The following MYO18B variants were observed in gnomAD, a reference collection of about 807,000 sequenced individuals.
MYO18B encodes unconventional myosin-XVIIIb.
In MYO18B, 204 loss-of-function variants were observed where a neutral mutation model predicts 273.0. That is an observed-to-expected ratio of 0.75 (90% CI 0.67 to 0.84). The LOEUF (loss-of-function observed/expected upper bound fraction) is 0.84, where lower values mean the gene tolerates loss of function less well. Ranked by LOEUF, MYO18B falls within the 40% of genes least tolerant of loss-of-function variation. MYO18B has a pLI of 0.00. For synonymous variants in MYO18B, 1,330 were observed against 1,305.7 expected (o/e 1.02, Z -0.40); for missense variants, 3,212 against 3,287.6 (o/e 0.98, Z 0.56).
intron 11 of MYO18B, among the ~76,000 whole-genome samples, chr22:25,797,550 C>T (rs551421519): frequency 6.6e-6 from 1 of 152,290 alleles, no homozygotes; most frequent in African/African-American, 2.4e-5. Context: ...AACCTGTACC[C>T]ATAGCCTACC....
chr22:25,978,663 G>A (rs1183984114), intron 39 of MYO18B, among the ~76,000 whole-genome samples: 1 of 152,144 alleles, frequency 6.6e-6, no homozygotes, highest in African/African-American at 2.4e-5. Context: ...TTAAAACTAT[G>A]TGAATCCTGG....
chr22:25,807,438 C>T (rs757074433), intron 12 of MYO18B, among the ~76,000 whole-genome samples: 1 of 152,168 alleles, frequency 6.6e-6, no homozygotes, highest in Admixed American at 6.5e-5. Context: ...TATTATTTCC[C>T]AAGGCTTCTG....
chr22:25,971,713 G>A (rs1200600354), intron 39 of MYO18B, among the ~76,000 whole-genome samples: 2 of 152,168 alleles, frequency 1.3e-5, no homozygotes, highest in Admixed American at 1.3e-4. Context: ...GAAATCCCAA[G>A]TATGCAAATT....
chr22:26,003,355 C>T, intron 41 of MYO18B, 46 bp downstream of exon 41: 1 of 1,543,658 alleles, frequency 6.5e-7, no homozygotes, highest in Non-Finnish European at 8.9e-7. Context: ...AGGGTGAGCC[C>T]CTGGCTCTCT....
In MYO18B at chr22:25,903,774, C is replaced by T. The variant is rs1057299829; in HGVS notation, c.5091C>T (p.Ala1697=). Residue 1697 remains alanine, a synonymous_variant, in exon 31 of 44, where the codon GCC becomes GCT. Transcript: ENST00000335473. ...KERLWKLESS[A]LEQQKIQSQQ... ...GGCTCTGGAAGTTGGAATCCAGCGCCCTTGAGCAACAGAAAATCCAGAGCC... is the reference window on the plus strand; with the variant it reads ...GGCTCTGGAAGTTGGAATCCAGCGCTCTTGAGCAACAGAAAATCCAGAGCC... 24 of 1,603,872 alleles carry T rather than the reference C, an allele frequency of 1.5e-5. No homozygotes were observed. Among genetic ancestry groups the T allele is most frequent in the Non-Finnish European group, 1.7e-5 (20 of 1,175,336 alleles).
intron 31 of MYO18B, among the ~76,000 whole-genome samples, chr22:25,905,268 T>G (rs367571220): frequency 2.0e-3 from 298 of 152,122 alleles, no homozygotes; most frequent in African/African-American, 6.9e-3. Flanking sequence ...TGGTGGGTGT[T>G]GGGGAACAAG....
At chr22:25,964,353 A>G (rs1309021955) in intron 39 of MYO18B, 1 of 152,214 alleles carries the variant, frequency 6.6e-6, no homozygotes, top group African/African-American at 2.4e-5. Flanking sequence ...CAGACAGGTG[A>G]AGCAATTTCT....
intron 42 of MYO18B, among the ~76,000 whole-genome samples, chr22:26,014,749 C>G (rs543368587): frequency 6.6e-6 from 1 of 152,142 alleles, no homozygotes; most frequent in Non-Finnish European, 1.5e-5. Flanking sequence ...TAAATAATAG[C>G]CATTCTAACT....
the MYO18B span, among the ~76,000 whole-genome samples, chr22:26,047,196 G>A: frequency 6.7e-6 from 1 of 150,004 alleles, no homozygotes; most frequent in African/African-American, 2.5e-5. Context: ...GCGTGATCTC[G>A]GCTCACTGCA....
chr22:25,944,745 G>A (rs2092684553), intron 34 of MYO18B, among the ~76,000 whole-genome samples: 1 of 151,874 alleles, frequency 6.6e-6, no homozygotes, highest in Middle Eastern at 3.2e-3. Flanking sequence ...TACTCCAGAG[G>A]CTGAGGCAGG....
chr22:25,893,326 C>T (rs138717282), intron 27 of MYO18B, among the ~76,000 whole-genome samples: 18 of 152,222 alleles, frequency 1.2e-4, no homozygotes, highest in African/African-American at 2.9e-4. Flanking sequence ...TTAATTGGGC[C>T]CTGCTCTCAA....
At chr22:25,769,578 C>T (rs1404137035) in intron 4 of MYO18B, 150 bp downstream of exon 4, 5 of 704,338 alleles carry the variant, frequency 7.1e-6, no homozygotes, top group African/African-American at 1.8e-5. Flanking sequence ...GCAAGGCACC[C>T]AGAGGAGGGG....
chr22:25,960,758 C>T (rs923478076), intron 39 of MYO18B, among the ~76,000 whole-genome samples: 4 of 152,170 alleles, frequency 2.6e-5, no homozygotes, highest in African/African-American at 9.7e-5. Flanking sequence ...TATAGTGACT[C>T]CTCACTTGTC....
intron 25 of MYO18B, among the ~76,000 whole-genome samples, chr22:25,879,775 T>C (rs1316227903): frequency 6.6e-6 from 1 of 152,206 alleles, no homozygotes; most frequent in Non-Finnish European, 1.5e-5. Context: ...TTCCACAGGC[T>C]GTACAGGAAG....
intron 12 of MYO18B, among the ~76,000 whole-genome samples, chr22:25,807,570 A>G (rs1569047890): frequency 6.6e-6 from 1 of 152,282 alleles, no homozygotes; most frequent in South Asian, 2.1e-4. Flanking sequence ...CCCAGGCTTC[A>G]TGTGGTCTCA....
At chr22:25,920,719 A>T (rs2092328053) in intron 33 of MYO18B, among the ~76,000 whole-genome samples, 1 of 152,222 alleles carries the variant, frequency 6.6e-6, no homozygotes, top group African/African-American at 2.4e-5. Flanking sequence ...TCCGTATCCC[A>T]CGTGTACAGC....
chr22:25,944,832 G>A (rs1202879913), intron 34 of MYO18B, among the ~76,000 whole-genome samples: 2 of 141,142 alleles, frequency 1.4e-5, no homozygotes, highest in African/African-American at 2.7e-5. Flanking sequence ...GGGCGACAGA[G>A]CAAGACTCCA....
At chr22:25,866,620 C>T (rs1370221061) in intron 21 of MYO18B, among the ~76,000 whole-genome samples, 1 of 151,852 alleles carries the variant, frequency 6.6e-6, no homozygotes, top group Non-Finnish European at 1.5e-5. Flanking sequence ...GCAGGTGGAT[C>T]ATGAGGTCAA....
At chr22:26,062,224 C>T in the MYO18B span, among the ~76,000 whole-genome samples, 1 of 152,144 alleles carries the variant, frequency 6.6e-6, no homozygotes, top group Non-Finnish European at 1.5e-5. Flanking sequence ...ACTGACCTTC[C>T]TGCCATCATC....
Sources: gnomAD v4.1 joint callset for allele counts (sites outside exome capture counted in the v4.1 genomes callset) on GRCh38, gnomAD v4.1.1 for gene constraint, MANE v1.5 for transcripts, NCBI Gene and HGNC (gene_info 2026-07-23, HGNC 2026-07-21) for gene names.